VNN1: variants seen among roughly 807,000 people sequenced by gnomAD.
VNN1 encodes vanin 1, also known as pantetheinase.
A neutral mutation model predicts 41.9 loss-of-function variants in VNN1; 29 were observed. The observed-to-expected ratio is 0.69, with a 90% CI of 0.52 to 0.94. VNN1 has a LOEUF of 0.94. Ranked by LOEUF, VNN1 falls within the 40% of genes least tolerant of loss-of-function variation. The pLI, the probability that VNN1 is intolerant of heterozygous loss-of-function variation, is 0.00. For synonymous variants in VNN1, 233 were observed against 224.4 expected (o/e 1.04, Z -0.34); for missense variants, 637 against 621.1 (o/e 1.03, Z -0.27).
chr6:132,713,230 G>A (rs764950108), intron 1 of VNN1, among the ~76,000 whole-genome samples: 1 of 152,070 alleles, frequency 6.6e-6, no homozygotes, highest in Non-Finnish European at 1.5e-5. Context: ...ACACCTAATC[G>A]ATCAATAGCT....
intron 6 of VNN1, among the ~76,000 whole-genome samples, chr6:132,683,969 A>T (rs544680128): frequency 1.3e-5 from 2 of 152,136 alleles, no homozygotes; most frequent in South Asian, 4.2e-4. Flanking sequence ...GCCTTGACTC[A>T]CTCGACGAGA....
At chr6:132,702,109 T>G (rs1032585454) in intron 2 of VNN1, among the ~76,000 whole-genome samples, 3 of 152,232 alleles carry the variant, frequency 2.0e-5, no homozygotes, top group Non-Finnish European at 4.4e-5. Flanking sequence ...TGCCATGGAC[T>G]GTGGCCTGTT....
At chr6:132,707,994 ATGTGATTGTTAC>A (rs2114372231) in intron 2 of VNN1, among the ~76,000 whole-genome samples, 1 of 152,354 alleles carries the variant, frequency 6.6e-6, no homozygotes, top group African/African-American at 2.4e-5. Context: ...ATTCTTCATG[ATGTGATTGTTAC>A]CATTGCATGC....
chr6:132,703,489 C>T (rs1410769029), intron 2 of VNN1, among the ~76,000 whole-genome samples: 2 of 152,058 alleles, frequency 1.3e-5, no homozygotes, highest in East Asian at 3.9e-4. Flanking sequence ...GTTGTCATCA[C>T]TTTAAAATAA....
rs893625104 is a variant in VNN1, at chr6:132,682,031, A to C, written c.*1109T>G. On this transcript the variant is annotated 3_prime_UTR_variant, in exon 7 of 7. Transcript: ENST00000367928. ...GTCAGTTGGGAGATATTTTGGCTTA[A>C]ATGATGTTGTTTCACTGAGTTGTGT... 1.3e-5 allele frequency: 2 copies of C among 152,204 alleles called. No homozygotes were observed. The highest frequency in any genetic ancestry group is 1.3e-4 in the Admixed American group (2 of 15,284). The allele number at this position is 152,204 out of a possible 1,614,324, so 9.4% of individuals were successfully genotyped here. A position where few individuals can be genotyped will look rare whatever the true frequency, so the allele number is the denominator to read the frequency against.
At position 132,692,432 on chromosome 6, in the gene VNN1, A is replaced by G. The variant is rs367733491; in HGVS notation, c.979T>C (p.Ser327Pro). The G allele has an allele frequency of 1.1e-5, 17 of 1,614,056 alleles. No homozygotes were observed. Among genetic ancestry groups the G allele is most frequent in the Admixed American group, 3.3e-5 (2 of 59,994 alleles). Residue 327 changes from serine (S) to proline (P), a missense_variant, in exon 5 of 7, where the codon TCA (serine) becomes CCA (proline). Transcript: ENST00000367928. ...CCTTTAAATTCCTTGTTTCCTGATGAGAGCGCTTCTATACTGCTGGCATAG... is the reference window on the plus strand; with the variant it reads ...CCTTTAAATTCCTTGTTTCCTGATGGGAGCGCTTCTATACTGCTGGCATAG... ...TSYASSIEAL[S>P]SGNKEFKGTV...
intron 2 of VNN1, among the ~76,000 whole-genome samples, chr6:132,703,590 A>C (rs893179908): frequency 1.6e-4 from 25 of 152,288 alleles, no homozygotes; most frequent in Admixed American, 1.4e-3. Flanking sequence ...AAATTAAAAC[A>C]TACCATCAGA....
Position 132,711,696 on chromosome 6 carries a change from G to A in VNN1, c.341+13C>T. On this transcript the variant is annotated intron_variant, in intron 2 of 6. Coordinates refer to ENST00000367928, the MANE Select transcript of VNN1 (RefSeq NM_004666.3). ...ATGTTTACTAGTGAATTTTTCACAA[G>A]TTGTTTCTTTACCTGTTACGATTAT... The A allele has an allele frequency of 6.2e-7, 1 of 1,604,328 alleles. No individual in the cohort carries two copies. Among genetic ancestry groups the A allele is most frequent in the South Asian group, 1.1e-5 (1 of 88,530 alleles).
In VNN1 at chr6:132,692,210, A is replaced by T. The variant is rs1778297238; in HGVS notation, c.1188+13T>A. The T allele has an allele frequency of 1.3e-6, 2 of 1,533,220 alleles. No individual in the cohort carries two copies. Among genetic ancestry groups the T allele is most frequent in the East Asian group, 2.3e-5 (1 of 44,112 alleles). 95.0% of individuals were successfully genotyped at this position (1,533,220 alleles called of 1,614,324 possible). On this transcript the variant is annotated intron_variant, in intron 5 of 6. Coordinates refer to ENST00000367928, the MANE Select transcript of VNN1 (RefSeq NM_004666.3). ...TATTTTATCCAGTAACTCTTCTGAC[A>T]TCAAAATATTACCTGTAGATAATAG...
At chr6:132,692,961 T>A in intron 4 of VNN1, 63 bp downstream of exon 4, 2 of 1,471,258 alleles carry the variant, frequency 1.4e-6, no homozygotes, top group Middle Eastern at 1.8e-4. Context: ...TAGAAAAACA[T>A]GTTTTTTTTT....
At chr6:132,695,062 G>T (rs1399946901) in intron 2 of VNN1, among the ~76,000 whole-genome samples, 1 of 152,186 alleles carries the variant, frequency 6.6e-6, no homozygotes, top group African/African-American at 2.4e-5. Flanking sequence ...TGAGGTGGGA[G>T]AATTGCTTGA....
intron 1 of VNN1, among the ~76,000 whole-genome samples, chr6:132,712,270 C>T (rs1778612879): frequency 6.6e-6 from 1 of 151,882 alleles, no homozygotes; most frequent in Non-Finnish European, 1.5e-5. Context: ...CCGCCTCAGC[C>T]TCATAAGTAG....
chr6:132,705,742 G>A (rs1778509205), intron 2 of VNN1, among the ~76,000 whole-genome samples: 1 of 152,078 alleles, frequency 6.6e-6, no homozygotes. Flanking sequence ...GTTTGCAGAT[G>A]TTATTATCTT....
intron 5 of VNN1, among the ~76,000 whole-genome samples, chr6:132,685,790 A>G (rs1778196778): frequency 6.6e-6 from 1 of 152,214 alleles, no homozygotes; most frequent in Admixed American, 6.5e-5. Context: ...TAAGTCCTCC[A>G]AAAAACCAGA....
At chr6:132,689,143 C>T (rs1778246395) in intron 5 of VNN1, among the ~76,000 whole-genome samples, 1 of 152,188 alleles carries the variant, frequency 6.6e-6, no homozygotes, top group East Asian at 1.9e-4. Flanking sequence ...GCCTTGACCT[C>T]CCAAAGTGCT....
chr6:132,713,631 TG>T (rs1253804617), intron 1 of VNN1, among the ~76,000 whole-genome samples, 194 bp downstream of exon 1: 1 of 152,234 alleles, frequency 6.6e-6, no homozygotes, highest in Non-Finnish European at 1.5e-5. Flanking sequence ...TTCTTAACTT[TG>T]TTCTTACTTT....
intron 2 of VNN1, among the ~76,000 whole-genome samples, chr6:132,703,206 G>C (rs1423916979): frequency 6.6e-6 from 1 of 152,052 alleles, no homozygotes; most frequent in Non-Finnish European, 1.5e-5. Flanking sequence ...TAACCAATAA[G>C]AAAGCATCTT....
intron 1 of VNN1, among the ~76,000 whole-genome samples, chr6:132,712,095 A>G (rs1033045358): frequency 6.8e-6 from 1 of 147,548 alleles, no homozygotes; most frequent in Non-Finnish European, 1.5e-5. Flanking sequence ...GGTTTGTTGC[A>G]TGGATATGTT....
chr6:132,691,972 C>T (rs551314995), intron 5 of VNN1, among the ~76,000 whole-genome samples: 94 of 151,542 alleles, frequency 6.2e-4, no homozygotes, highest in Non-Finnish European at 1.1e-3. Context: ...CCACTGCACT[C>T]CAGCTTGGGC....
Sources: gnomAD v4.1 joint callset for allele counts (sites outside exome capture counted in the v4.1 genomes callset) on GRCh38, gnomAD v4.1.1 for gene constraint, MANE v1.5 for transcripts, NCBI Gene and HGNC (gene_info 2026-07-23, HGNC 2026-07-21) for gene names.